Variants in SMARCA4 observed in about 807,000 individuals in gnomAD.
The protein encoded by SMARCA4 is SWI/SNF related BAF chromatin remodeling complex subunit ATPase 4.
A neutral mutation model predicts 193.9 loss-of-function variants in SMARCA4; 31 were observed. The observed-to-expected ratio is 0.16, with a 90% confidence interval of 0.12 to 0.22. The LOEUF (loss-of-function observed/expected upper bound fraction) is 0.22. SMARCA4 is among the 10% of genes least tolerant of loss of function. SMARCA4 has a pLI of 1.00. For missense variants in SMARCA4, 1,148 were observed against 2,296.0 expected (o/e 0.50, Z 10.22); for synonymous variants, 942 against 933.1 (o/e 1.01, Z -0.17).
chr19:10,993,560 C>T lies in SMARCA4; in HGVS notation c.1420-1268C>T, dbSNP rs148485507. 7.0e-3 allele frequency among the ~76,000 whole-genome samples: 1,068 copies of T among 152,300 alleles called. 12 individuals are homozygous for T. Among genetic ancestry groups the T allele is most frequent in the African/African-American group, 0.025 (1,028 of 41,582 alleles). On this transcript the variant is annotated intron_variant, in intron 8 of 34. Coordinates refer to ENST00000344626, the MANE Select transcript of SMARCA4 (RefSeq NM_003072.5). ...GAAGCATTTTTGAGACATTTCACAT[C>T]CGTGCCATGCTGCCCTGCCAGTCGA... is the stretch of plus-strand genomic sequence containing the variant.
chr19:11,054,833 G>T (rs1389097435), intron 30 of SMARCA4, among the ~76,000 whole-genome samples: 1 of 152,158 alleles, frequency 6.6e-6, no homozygotes, highest in Non-Finnish European at 1.5e-5. Flanking sequence ...GGTGATGTTT[G>T]CCCTGAGATG....
rs1600648237 is a variant in SMARCA4, at chr19:11,060,085, G to A, written c.4809G>A (p.Glu1603=). 6.4e-7 allele frequency: 1 copy of A among 1,553,456 alleles called. No homozygotes were observed. The highest frequency in any genetic ancestry group is 1.4e-5 in the African/African-American group (1 of 73,116). ...TGAAGATCAAGCTTGGCCGGAAGGAGAAGGCACAGGACCGGCTGAAGGGCG... is the reference window on the plus strand; with the variant it reads ...TGAAGATCAAGCTTGGCCGGAAGGAAAAGGCACAGGACCGGCTGAAGGGCG... ...VKVKIKLGRK[E]KAQDRLKGGR... The change falls in exon 34 of 35, where the codon GAG becomes GAA. Residue 1603 remains glutamate, a synonymous_variant. Coordinates refer to ENST00000344626, the MANE Select transcript of SMARCA4 (RefSeq NM_003072.5).
At chr19:10,962,960 T>C (rs1196265598) in intron 1 of SMARCA4, among the ~76,000 whole-genome samples, 3 of 152,042 alleles carry the variant, frequency 2.0e-5, no homozygotes, top group Non-Finnish European at 4.4e-5. Context: ...AGAGCTGGGG[T>C]TGTGTCTGCC....
rs1173206989 is a variant in SMARCA4, at chr19:10,996,314, G to A, written c.1695G>A (p.Thr565=). ...CAGACGAGTACGTGGCTAACCTCAC[G>A]GAGCTGGTGCGGCAGCACAAGGCTG... ...QQTDEYVANL[T]ELVRQHKAAQ... Residue 565 remains threonine (T), a synonymous_variant, in exon 10 of 35, where the codon ACG becomes ACA. Transcript: ENST00000344626. The A allele has an allele frequency of 5.6e-6, 9 of 1,614,222 alleles. No homozygotes were observed. The highest frequency in any genetic ancestry group is 2.5e-6 in the Non-Finnish European group (3 of 1,180,028).
chr19:10,994,723 C>T lies in SMARCA4; in HGVS notation c.1420-105C>T, dbSNP rs893934589. ...ATCTGCCCTCCTCTGCCTCCCAAAG[C>T]GCTGGGATTACAGGCCAATATTCTA... On this transcript the variant is annotated intron_variant, in intron 8 of 34. Coordinates refer to ENST00000344626, the MANE Select transcript of SMARCA4 (RefSeq NM_003072.5). The T allele has an allele frequency of 3.6e-5, 35 of 981,534 alleles. No homozygotes were observed. The African/African-American group carries it at 3.7e-4, about 10-fold the overall frequency. The allele number at this position is 981,534 out of a possible 1,614,324, so 60.8% of individuals were successfully genotyped here. A position where few individuals can be genotyped will look rare whatever the true frequency, so the allele number is the denominator to read the frequency against.
rs113266342 is a variant in SMARCA4, at chr19:10,973,927, T to A, written c.-31-10194T>A. Among the ~76,000 whole-genome samples the A allele has an allele frequency of 1.8e-3, 276 of 152,164 alleles. 1 individual carries two copies. The highest frequency in any genetic ancestry group is 6.8e-3 in the Middle Eastern group (2 of 294). On this transcript the variant is annotated intron_variant, in intron 1 of 34. Transcript: ENST00000344626. ...ATTTTGTTTTGTAGTTCACGCATAGTAAACGGGGCTGGCTCTGCGGAAGCC... is the reference window on the plus strand; with the variant it reads ...ATTTTGTTTTGTAGTTCACGCATAGAAAACGGGGCTGGCTCTGCGGAAGCC...
intron 23 of SMARCA4, among the ~76,000 whole-genome samples, 194 bp downstream of exon 23, chr19:11,026,540 C>T (rs577169752): frequency 1.4e-5 from 2 of 141,656 alleles, no homozygotes; most frequent in Admixed American, 1.5e-4. Flanking sequence ...GCTCTTGTTG[C>T]CCAGGCTGGA....
rs1321535007 is a variant in SMARCA4, at chr19:11,058,811, C to T, written c.4557C>T (p.Tyr1519=). The stretch of plus-strand genomic sequence containing the variant: ...AGGAGCGCATTCGCAACCACAAGTA[C>T]CGCAGCCTCAACGACCTAGAGAAGG... ...KIKERIRNHK[Y]RSLNDLEKDV... is the part of the protein sequence containing the mutation. Residue 1519 remains tyrosine, a synonymous_variant, in exon 32 of 35, where the codon TAC becomes TAT. Transcript: ENST00000344626. The surrounding 1 kb of genome is among the most constrained non-coding windows in gnomAD (Gnocchi z 5.8). 2.5e-6 allele frequency: 4 copies of T among 1,614,008 alleles called. No homozygotes were observed. Among genetic ancestry groups the T allele is most frequent in the Non-Finnish European group, 2.5e-6 (3 of 1,180,026 alleles).
At chr19:11,024,978 T>C (rs12460263) in intron 21 of SMARCA4, among the ~76,000 whole-genome samples, 53,430 of 144,542 alleles carry the variant, frequency 0.37, 10,364 homozygotes, top group East Asian at 0.56. Flanking sequence ...GCCCAGAGCA[T>C]GCACCCCCCG....
At chr19:10,978,925 G>T (rs904952104) in intron 1 of SMARCA4, among the ~76,000 whole-genome samples, 1 of 152,004 alleles carries the variant, frequency 6.6e-6, no homozygotes, top group African/African-American at 2.4e-5. Flanking sequence ...CTCCAGCTTG[G>T]GTGATGGAGC....
chr19:11,052,775 C>T (rs907726865), intron 30 of SMARCA4, among the ~76,000 whole-genome samples: 1 of 152,218 alleles, frequency 6.6e-6, no homozygotes, highest in Non-Finnish European at 1.5e-5. Context: ...GGCCTCCCTG[C>T]ACTCAGGACC....
chr19:11,041,679 A>G lies in SMARCA4; in HGVS notation c.4424+119A>G, dbSNP rs2075624193. On this transcript the variant is annotated intron_variant, in intron 30 of 34. Coordinates refer to ENST00000344626, the MANE Select transcript of SMARCA4 (RefSeq NM_003072.5). The surrounding 1 kb of genome is among the most constrained non-coding windows in gnomAD (Gnocchi z 5.6). ...CCGCTCACTCTTTCACTCATCCACAAACACTGACTGAATCTCTGTGTCTTT... is the reference window on the plus strand; with the variant it reads ...CCGCTCACTCTTTCACTCATCCACAGACACTGACTGAATCTCTGTGTCTTT... 1 of 828,424 alleles carries G rather than the reference A, an allele frequency of 1.2e-6. No individual in the cohort carries two copies. Among genetic ancestry groups the G allele is most frequent in the Non-Finnish European group, 1.9e-6 (1 of 526,508 alleles). 51.3% of individuals were successfully genotyped at this position (828,424 alleles called of 1,614,324 possible).
chr19:11,003,040 G>C lies in SMARCA4; in HGVS notation c.1824G>C (p.Glu608Asp), dbSNP rs2146094712. Reference protein sequence around the residue: ...AIGPDGEPLDETSQMSDLPVK... With the variant: ...AIGPDGEPLDDTSQMSDLPVK... Reference sequence around the variant, plus strand: ...TGACTCTTTTTCAGCCTCTGGACGAGACCAGCCAGATGAGCGACCTCCCGG... The same window carrying C: ...TGACTCTTTTTCAGCCTCTGGACGACACCAGCCAGATGAGCGACCTCCCGG... Residue 608 changes from glutamate to aspartate, a missense_variant, in exon 12 of 35, where the codon GAG becomes GAC. Glu to Asp is a conservative substitution (Grantham distance 45, BLOSUM62 2). Coordinates refer to ENST00000344626, the MANE Select transcript of SMARCA4 (RefSeq NM_003072.5). 6.2e-7 allele frequency: 1 copy of C among 1,614,120 alleles called. No individual in the cohort carries two copies. The highest frequency in any genetic ancestry group is 8.5e-7 in the Non-Finnish European group (1 of 1,180,020).
Position 11,058,725 on chromosome 19 carries a change from C to A in SMARCA4, c.4534-63C>A. 2 of 1,407,488 alleles carry A rather than the reference C, an allele frequency of 1.4e-6. No individual in the cohort carries two copies. Among genetic ancestry groups the A allele is most frequent in the Non-Finnish European group, 2.0e-6 (2 of 993,344 alleles). The allele number at this position is 1,407,488 out of a possible 1,614,324, so 87.2% of individuals were successfully genotyped here. A position where few individuals can be genotyped will look rare whatever the true frequency, so the allele number is the denominator to read the frequency against. On this transcript the variant is annotated intron_variant, in intron 31 of 34. Transcript: ENST00000344626. This position sits in a 1 kb window ranked among gnomAD's most constrained non-coding sequence, Gnocchi z 5.8. ...AGCCCGTGGGGTCTCCAGCACACAG[C>A]CAGGCCTGCGGGCAGGCGAGGCGGG...
chr19:11,026,624 C>T (rs537586076), intron 23 of SMARCA4, among the ~76,000 whole-genome samples: 196 of 151,816 alleles, frequency 1.3e-3, no homozygotes, highest in African/African-American at 4.3e-3. Context: ...CTCAGCCTCC[C>T]GAGTAGCTGG....
chr19:11,038,914 A>G (rs1472473843), intron 29 of SMARCA4, among the ~76,000 whole-genome samples: 1 of 152,232 alleles, frequency 6.6e-6, no homozygotes, highest in Non-Finnish European at 1.5e-5. Flanking sequence ...CGTTATTTAA[A>G]ATAGCAACAA....
intron 1 of SMARCA4, among the ~76,000 whole-genome samples, chr19:10,974,941 G>A (rs762229845): frequency 6.7e-6 from 1 of 149,086 alleles, no homozygotes; most frequent in African/African-American, 2.5e-5. Context: ...CAGGTGATCC[G>A]CTCGCCTCAG....
In SMARCA4 at chr19:10,985,184, G is replaced by T. The variant is rs2145743782; in HGVS notation, c.223-89G>T. ...TCATCTTCGGGTGGCTGTTCTCGGT[G>T]CCCTCGAGCTTCTCTCGGGCAGCGC... On this transcript the variant is annotated intron_variant, in intron 2 of 34. Coordinates refer to ENST00000344626, the MANE Select transcript of SMARCA4 (RefSeq NM_003072.5). This position sits in a 1 kb window ranked among gnomAD's most constrained non-coding sequence, Gnocchi z 4.5. The T allele has an allele frequency of 7.1e-7, 1 of 1,410,956 alleles. No homozygotes were observed. The highest frequency in any genetic ancestry group is 1.0e-6 in the Non-Finnish European group (1 of 999,088). The allele number at this position is 1,410,956 out of a possible 1,614,324, so 87.4% of individuals were successfully genotyped here.
chr19:10,986,350 A>T lies in SMARCA4; in HGVS notation c.517A>T (p.Asn173Tyr), dbSNP rs2145776847. 2 of 1,612,362 alleles carry T rather than the reference A, an allele frequency of 1.2e-6. No homozygotes were observed. Among genetic ancestry groups the T allele is most frequent in the Non-Finnish European group, 1.7e-6 (2 of 1,179,484 alleles). Residue 173 changes from asparagine to tyrosine, a missense_variant, in exon 4 of 35, where the codon AAC (asparagine) becomes TAC (tyrosine). Coordinates refer to ENST00000344626, the MANE Select transcript of SMARCA4 (RefSeq NM_003072.5). The surrounding 1 kb of genome is among the most constrained non-coding windows in gnomAD (Gnocchi z 6.7). Reference protein sequence around the residue: ...GQQNRGPTPFNQNQLHQLRAQ... With the variant: ...GQQNRGPTPFYQNQLHQLRAQ... ...GCAGAACCGGGGCCCAACCCCATTT[A>T]ACCAGAACCAGCTGCACCAGCTCAG...
Sources: gnomAD v4.1 joint callset for allele counts (sites outside exome capture counted in the v4.1 genomes callset) on GRCh38, gnomAD v4.1.1 for gene constraint, Gnocchi (gnomAD v3.1) non-coding constraint, MANE v1.5 for transcripts, NCBI Gene and HGNC (gene_info 2026-07-23, HGNC 2026-07-21) for gene names.